SEMA6C: variants seen among roughly 807,000 people sequenced by gnomAD.
SEMA6C encodes the protein semaphorin 6C.
SEMA6C carries 37 observed loss-of-function variants against 72.9 expected under a neutral mutation model. The observed-to-expected ratio is 0.51, with a 90% CI of 0.39 to 0.67. The LOEUF (loss-of-function observed/expected upper bound fraction) is 0.67, where lower values mean the gene tolerates loss of function less well. Among genes scored for constraint, SEMA6C ranks in the 30% least tolerant of loss-of-function variants. The pLI is 0.00. For missense variants in SEMA6C, 1,189 were observed against 1,263.6 expected (o/e 0.94, Z 0.89); for synonymous variants, 578 against 554.1 (o/e 1.04, Z -0.61).
intron 3 of SEMA6C, among the ~76,000 whole-genome samples, chr1:151,141,712 G>A (rs1489332511): frequency 7.7e-6 from 1 of 129,974 alleles, no homozygotes; most frequent in South Asian, 2.7e-4. Flanking sequence ...GTGCCCAGCT[G>A]ACTTTTTTTT....
chr1:151,142,181 C>T (rs915539136), intron 3 of SEMA6C, among the ~76,000 whole-genome samples: 7 of 151,962 alleles, frequency 4.6e-5, no homozygotes, highest in Admixed American at 3.9e-4. Flanking sequence ...GGACTACAGG[C>T]GCCCGCCACA....
At chr1:151,137,657 C>T (rs1161668147) in intron 10 of SEMA6C, 54 bp downstream of exon 10, 1 of 1,453,724 alleles carries the variant, frequency 6.9e-7, no homozygotes, top group South Asian at 1.2e-5. Flanking sequence ...CAGACTGGCT[C>T]CTCAGGATCC....
intron 15 of SEMA6C, 117 bp downstream of exon 15, chr1:151,135,046 C>A: frequency 6.8e-7 from 1 of 1,470,004 alleles, no homozygotes; most frequent in Non-Finnish European, 9.3e-7. Flanking sequence ...CTTGAGGTAC[C>A]TAGGCACCCC....
At chr1:151,135,406 T>A in intron 14 of SEMA6C, 97 bp from the exon 15 acceptor site, 1 of 1,517,256 alleles carries the variant, frequency 6.6e-7, no homozygotes, top group East Asian at 2.3e-5. Context: ...CACAAGCAAC[T>A]GAGCACAACC....
At chr1:151,140,326 C>T (rs953854906) in intron 3 of SEMA6C, among the ~76,000 whole-genome samples, 2 of 152,234 alleles carry the variant, frequency 1.3e-5, no homozygotes, top group Admixed American at 1.3e-4. Flanking sequence ...CCCCATTTTA[C>T]AGATGAGGAG....
intron 3 of SEMA6C, among the ~76,000 whole-genome samples, chr1:151,140,783 A>G (rs947781933): frequency 6.6e-6 from 1 of 152,220 alleles, no homozygotes; most frequent in Non-Finnish European, 1.5e-5. Flanking sequence ...TCACAAGGTC[A>G]GGAGATCGAG....
rs1230445529 is a variant in SEMA6C at position 151,132,561 on chromosome 1, G to A, written c.2716C>T (p.Gln906Ter). ...ALKRVDVEKP[Q>*]LSLKPPLVGP... The stretch of plus-strand genomic sequence containing the variant: ...ACGAGGGGAGGCTTCAGGGACAACT[G>A]GGGCTTCTCGACGTCCACCCTTTTC... The change falls in exon 19 of 19, where the codon CAG becomes TAG. Residue 906 changes from glutamine (Q) to a stop codon, truncating the protein, a stop_gained. Coordinates refer to ENST00000368914, the MANE Select transcript of SEMA6C (RefSeq NM_030913.6). LOFTEE classifies it low-confidence loss of function (END_TRUNC). 6.4e-7 allele frequency: 1 copy of A among 1,551,448 alleles called. No individual in the cohort carries two copies. Among genetic ancestry groups the A allele is most frequent in the Non-Finnish European group, 8.7e-7 (1 of 1,147,272 alleles).
chr1:151,134,366 G>A, intron 18 of SEMA6C, 35 bp downstream of exon 18: 1 of 1,556,140 alleles, frequency 6.4e-7, no homozygotes, highest in Admixed American at 1.9e-5. Flanking sequence ...TGTGGGCTGA[G>A]CAAGGGAAGG....
rs1180368306 is a variant in SEMA6C, at chr1:151,133,458, G to A, written c.1819C>T (p.Leu607=). 1 of 1,560,236 alleles carries A rather than the reference G, an allele frequency of 6.4e-7. No individual in the cohort carries two copies. Among genetic ancestry groups the A allele is most frequent in the South Asian group, 1.2e-5 (1 of 86,560 alleles). Residue 607 remains leucine, a synonymous_variant, in exon 19 of 19, where the codon CTG becomes TTG. Transcript: ENST00000368914. This position sits in a 1 kb window ranked among gnomAD's most constrained non-coding sequence, Gnocchi z 5.9. The part of the protein sequence containing the change: ...ASRSVPIPLL[L]ASVAAAFALG... The stretch of plus-strand genomic sequence containing the variant: ...GCAAAAGCTGCGGCCACACTGGCCA[G>A]GAGGAGTGGGATGGGGACGGAGCGG...
At position 151,135,717 on chromosome 1, in the gene SEMA6C, C is replaced by G. The variant is rs965300172; in HGVS notation, c.1307G>C (p.Ser436Thr). Residue 436 changes from serine to threonine, a missense_variant, in exon 14 of 19, where the codon AGT becomes ACT. Ser to Thr is a moderately conservative substitution (Grantham distance 58). Transcript: ENST00000368914. Reference protein sequence around the residue: ...VAVDGMAGPHSNITVMFLGSN... With the variant: ...VAVDGMAGPHTNITVMFLGSN... ...GCCAAGGAACATGACTGTGATGTTA[C>G]TGTGGGGACCAGCCATGCCATCCAC... 5.0e-6 allele frequency: 8 copies of G among 1,614,182 alleles called. No homozygotes were observed. The highest frequency in any genetic ancestry group is 6.8e-6 in the Non-Finnish European group (8 of 1,180,024).
chr1:151,139,913 C>G, intron 4 of SEMA6C, 63 bp downstream of exon 4: 2 of 1,496,110 alleles, frequency 1.3e-6, no homozygotes, highest in Non-Finnish European at 1.8e-6. Context: ...AGTGGCCATA[C>G]AGGTCCCAAG....
intron 3 of SEMA6C, among the ~76,000 whole-genome samples, chr1:151,141,420 G>T (rs587677554): frequency 1.4e-3 from 211 of 152,066 alleles, no homozygotes; most frequent in Non-Finnish European, 2.4e-3. Context: ...TTTGTTTTTT[G>T]TTTTTTGAGA....
intron 2 of SEMA6C, among the ~76,000 whole-genome samples, chr1:151,143,862 A>C (rs1682749664): frequency 6.6e-6 from 1 of 152,014 alleles, no homozygotes; most frequent in African/African-American, 2.4e-5. Context: ...ACCAATCCTT[A>C]GTTGCCCATC....
chr1:151,144,188 G>A (rs1030402136), intron 2 of SEMA6C, among the ~76,000 whole-genome samples, 197 bp downstream of exon 2: 18 of 152,098 alleles, frequency 1.2e-4, no homozygotes, highest in East Asian at 3.9e-4. Flanking sequence ...AGAAAGGGAC[G>A]TAGCTTGTCT....
chr1:151,138,814 C>T (rs1044845271), intron 6 of SEMA6C, 83 bp from the exon 7 acceptor site: 19 of 1,152,804 alleles, frequency 1.6e-5, no homozygotes, highest in Middle Eastern at 2.0e-4. Context: ...GCTTACAGGG[C>T]GGGCGTGGTG....
rs774715172 is a variant in SEMA6C at position 151,139,998 on chromosome 1, G to T, written c.211C>A (p.Arg71=). 6.2e-7 allele frequency: 1 copy of T among 1,614,120 alleles called. No homozygotes were observed. The highest frequency in any genetic ancestry group is 1.7e-5 in the Admixed American group (1 of 60,014). ...LDFQRFLTLN[R]TLLVAARDHV... is the part of the protein sequence containing the mutation. ...TACCGGGCAGCCACTAGCAAGGTCCGGTTCAAGGTCAGGAATCTCTGAAAG... is the reference window on the plus strand; with the variant it reads ...TACCGGGCAGCCACTAGCAAGGTCCTGTTCAAGGTCAGGAATCTCTGAAAG... Residue 71 remains arginine, a synonymous_variant, in exon 4 of 19, where the codon CGG becomes AGG. Coordinates refer to ENST00000368914, the MANE Select transcript of SEMA6C (RefSeq NM_030913.6).
intron 14 of SEMA6C, 26 bp downstream of exon 14, chr1:151,135,565 G>A: frequency 6.3e-7 from 1 of 1,593,150 alleles, no homozygotes; most frequent in Non-Finnish European, 8.5e-7. Context: ...CTGCTTTGCA[G>A]GGGGCCTGCC....
chr1:151,144,726 C>T (rs746345441), intron 1 of SEMA6C, among the ~76,000 whole-genome samples: 3 of 152,268 alleles, frequency 2.0e-5, no homozygotes, highest in East Asian at 1.9e-4. Context: ...TGGGGCATGG[C>T]GACCACTCCC....
At chr1:151,137,193 C>T (rs1682099405) in intron 10 of SEMA6C, 119 bp from the exon 11 acceptor site, 13 of 809,956 alleles carry the variant, frequency 1.6e-5, no homozygotes, top group African/African-American at 1.7e-5. Flanking sequence ...CGCCTGTAAT[C>T]CCAACACTTT....
Sources: allele counts gnomAD v4.1 joint callset (sites outside exome capture counted in the v4.1 genomes callset), GRCh38; gene constraint gnomAD v4.1.1; non-coding constraint Gnocchi (gnomAD v3.1); transcripts MANE v1.5; gene names NCBI Gene and HGNC (gene_info 2026-07-23, HGNC 2026-07-21).